TBC1D19: variants seen among roughly 807,000 people sequenced by gnomAD.
The protein encoded by TBC1D19 is TBC1 domain family member 19.
TBC1D19 carries 60 observed loss-of-function variants against 89.0 expected under a neutral mutation model. The observed-to-expected ratio is 0.67, with a 90% CI of 0.55 to 0.84. The LOEUF is 0.84. Ranked by LOEUF, TBC1D19 falls within the 40% of genes least tolerant of loss-of-function variation. The pLI is 0.00. For synonymous variants in TBC1D19, 189 were observed against 199.7 expected, an observed-to-expected ratio of 0.95 and a Z score of 0.45; for missense variants, 500 against 610.8, an observed-to-expected ratio of 0.82 and a Z score of 1.91.
the TBC1D19 span, among the ~76,000 whole-genome samples, chr4:26,782,720 T>C: frequency 6.6e-6 from 1 of 152,006 alleles, no homozygotes; most frequent in Non-Finnish European, 1.5e-5. Context: ...AAAGGATGTA[T>C]GGATTAAAAA....
chr4:26,808,167 A>G, the TBC1D19 span, among the ~76,000 whole-genome samples: 5 of 152,242 alleles, frequency 3.3e-5, no homozygotes, highest in African/African-American at 1.2e-4. Context: ...TTCTAAAAAT[A>G]ACAAGCATGG....
At chr4:26,599,670 G>A (rs1408037476) in intron 1 of TBC1D19, among the ~76,000 whole-genome samples, 1 of 152,166 alleles carries the variant, frequency 6.6e-6, no homozygotes, top group African/African-American at 2.4e-5. Flanking sequence ...TGCTGGCCAA[G>A]TGCAGTGGCT....
intron 13 of TBC1D19, among the ~76,000 whole-genome samples, chr4:26,716,909 G>A (rs1408918434): frequency 6.6e-6 from 1 of 151,928 alleles, no homozygotes; most frequent in Non-Finnish European, 1.5e-5. Flanking sequence ...GCCTCCCAAA[G>A]TGCTGGGATC....
At chr4:26,810,084 G>A in the TBC1D19 span, among the ~76,000 whole-genome samples, 4 of 152,142 alleles carry the variant, frequency 2.6e-5, no homozygotes, top group African/African-American at 9.7e-5. Context: ...GGGAATACAT[G>A]CCCCTGAGAG....
At position 26,638,731 on chromosome 4, in the gene TBC1D19, A is replaced by C. The variant is rs780279523; in HGVS notation, c.370-40A>C. 1.8e-5 allele frequency: 28 copies of C among 1,538,186 alleles called. No homozygotes were observed. The East Asian group carries it at 5.9e-4, about 32-fold the overall frequency. On this transcript the variant is annotated intron_variant, in intron 5 of 20. Coordinates refer to ENST00000264866, the MANE Select transcript of TBC1D19 (RefSeq NM_018317.4). ...TTTTTAGTTGTATTGCTAGACTTCA[A>C]AAAATGAAATGAAACCAGTTTCAAA...
At chr4:26,807,685 C>T in the TBC1D19 span, among the ~76,000 whole-genome samples, 3 of 152,204 alleles carry the variant, frequency 2.0e-5, no homozygotes, top group Admixed American at 6.5e-5. Context: ...ACCCAGCCCC[C>T]GTAGGTCTCT....
In TBC1D19 at chr4:26,688,380, T is replaced by C. The variant is rs146360866; in HGVS notation, c.927T>C (p.Tyr309=). 3.1e-5 allele frequency: 48 copies of C among 1,568,650 alleles called. No homozygotes were observed. The African/African-American group carries it at 6.0e-4, about 19-fold the overall frequency. The change falls in exon 13 of 21, where the codon TAT becomes TAC. Residue 309 remains tyrosine, a synonymous_variant. Transcript: ENST00000264866. ...TGACAGCAAGCAATGATGATTATTATTTTGTATTTGAAGATTATTTATATC... is the reference window on the plus strand; with the variant it reads ...TGACAGCAAGCAATGATGATTATTACTTTGTATTTGAAGATTATTTATATC... ...VKLTASNDDY[Y]FVFEDYLYQV... is the part of the protein sequence containing the mutation.
the TBC1D19 span, among the ~76,000 whole-genome samples, chr4:26,796,923 T>C: frequency 2.6e-5 from 4 of 152,160 alleles, no homozygotes; most frequent in African/African-American, 9.7e-5. Context: ...ATGATGGTTG[T>C]AAAACTATCA....
At chr4:26,817,981 A>AATATATATATAT in the TBC1D19 span, among the ~76,000 whole-genome samples, 214 of 126,006 alleles carry the variant, frequency 1.7e-3, no homozygotes, top group African/African-American at 7.6e-3. Context: ...AAAAAAAAAA[A>AATATATATATAT]ATATATATAT....
At chr4:26,735,793 C>T (rs1451416924) in intron 16 of TBC1D19, among the ~76,000 whole-genome samples, 2 of 152,138 alleles carry the variant, frequency 1.3e-5, no homozygotes, top group African/African-American at 4.8e-5. Context: ...GTAATCTCAG[C>T]ATTTTGGGAG....
the TBC1D19 span, among the ~76,000 whole-genome samples, chr4:26,827,406 A>G: frequency 5.3e-5 from 8 of 152,182 alleles, no homozygotes; most frequent in African/African-American, 1.7e-4. Context: ...GGAGTTCAAG[A>G]CCAGCCTGGC....
chr4:26,688,995 A>C (rs1050629833), intron 13 of TBC1D19, among the ~76,000 whole-genome samples: 1 of 151,858 alleles, frequency 6.6e-6, no homozygotes, highest in African/African-American at 2.4e-5. Flanking sequence ...TGTCAATACA[A>C]ATGTCATAAA....
chr4:26,591,847 T>C (rs1328438349), intron 1 of TBC1D19, among the ~76,000 whole-genome samples: 2 of 152,164 alleles, frequency 1.3e-5, no homozygotes, highest in East Asian at 3.8e-4. Context: ...CAATAATAAA[T>C]AGCTTACCAA....
chr4:26,591,314 T>C (rs1407376992), intron 1 of TBC1D19, among the ~76,000 whole-genome samples: 1 of 152,150 alleles, frequency 6.6e-6, no homozygotes, highest in Non-Finnish European at 1.5e-5. Flanking sequence ...GACATCTTGG[T>C]TGCATACAAA....
At chr4:26,761,440 A>T in the TBC1D19 span, among the ~76,000 whole-genome samples, 1 of 152,020 alleles carries the variant, frequency 6.6e-6, no homozygotes, top group Non-Finnish European at 1.5e-5. Flanking sequence ...AATTATCCCT[A>T]CTTCTTTCAC....
At chr4:26,670,565 A>G (rs1712206383) in intron 9 of TBC1D19, among the ~76,000 whole-genome samples, 1 of 151,768 alleles carries the variant, frequency 6.6e-6, no homozygotes, top group South Asian at 2.1e-4. Context: ...TAATTTTTAA[A>G]TAACTTTTAT....
chr4:26,695,169 G>A (rs1269444745), intron 13 of TBC1D19, among the ~76,000 whole-genome samples: 1 of 152,206 alleles, frequency 6.6e-6, no homozygotes. Flanking sequence ...TAAGTGACCT[G>A]ATGGAGCTGA....
intron 1 of TBC1D19, among the ~76,000 whole-genome samples, chr4:26,604,735 G>C (rs1293502352): frequency 1.3e-5 from 2 of 151,690 alleles, no homozygotes; most frequent in African/African-American, 4.8e-5. Flanking sequence ...AAAAAAATTA[G>C]CCGGGCATGG....
chr4:26,593,924 CAG>C (rs1220535272), intron 1 of TBC1D19, among the ~76,000 whole-genome samples: 1 of 152,200 alleles, frequency 6.6e-6, no homozygotes, highest in Non-Finnish European at 1.5e-5. Flanking sequence ...TTGTGGAAGT[CAG>C]TGTGGCGATT....
Sources: gnomAD v4.1 joint callset for allele counts (sites outside exome capture counted in the v4.1 genomes callset) on GRCh38, gnomAD v4.1.1 for gene constraint, MANE v1.5 for transcripts, NCBI Gene and HGNC (gene_info 2026-07-23, HGNC 2026-07-21) for gene names.